Variants in PAX1 observed in about 807,000 individuals in gnomAD.
PAX1 encodes the protein paired box 1, also known as paired box protein Pax-1.
PAX1 carries 18 observed loss-of-function variants against 35.6 expected under a neutral mutation model. That is an observed-to-expected ratio of 0.50 (90% CI 0.35 to 0.75). PAX1 has a LOEUF of 0.75. PAX1 is among the 30% of genes least tolerant of loss of function. The pLI is 0.01. For synonymous variants in PAX1, 397 were observed against 305.2 expected, an observed-to-expected ratio of 1.30 and a Z score of -3.14; for missense variants, 760 against 661.5, an observed-to-expected ratio of 1.15 and a Z score of -1.63.
chr20:21,713,367 T>C (rs1360657598), intron 4 of PAX1, among the ~76,000 whole-genome samples: 4 of 143,720 alleles, frequency 2.8e-5, no homozygotes, highest in Non-Finnish European at 5.9e-5. Context: ...CGAAACCGTG[T>C]GTTTTCTTTT....
chr20:21,715,620 C>A lies in PAX1; in HGVS notation c.*1058C>A, dbSNP rs1206423197. 6.6e-6 allele frequency: 1 copy of A among 152,338 alleles called. No homozygotes were observed. Among genetic ancestry groups the A allele is most frequent in the Non-Finnish European group, 1.5e-5 (1 of 68,198 alleles). The allele number at this position is 152,338 out of a possible 1,614,324, so 9.4% of individuals were successfully genotyped here. A position where few individuals can be genotyped will look rare whatever the true frequency, so the allele number is the denominator to read the frequency against. On this transcript the variant is annotated 3_prime_UTR_variant, in exon 5 of 5. Coordinates refer to ENST00000613128, the MANE Select transcript of PAX1 (RefSeq NM_001257096.2). Reference sequence around the variant, plus strand: ...TCCTCCCACCCCTCCACTCGCAACACTTGCTAGGGAATCCGACCAGTGGTA... The same window carrying A: ...TCCTCCCACCCCTCCACTCGCAACAATTGCTAGGGAATCCGACCAGTGGTA...
At chr20:21,708,055 C>T (rs1337433952) in intron 2 of PAX1, among the ~76,000 whole-genome samples, 5 of 152,172 alleles carry the variant, frequency 3.3e-5, no homozygotes, top group Non-Finnish European at 7.3e-5. Context: ...CACAAGGGCC[C>T]GGGGAGCAGC....
intron 4 of PAX1, among the ~76,000 whole-genome samples, chr20:21,713,455 G>T (rs1412827782): frequency 6.6e-6 from 1 of 151,520 alleles, no homozygotes; most frequent in Admixed American, 6.6e-5. Context: ...GCCACAGCAA[G>T]TTGCGCCTGA....
In PAX1 at chr20:21,714,502, CA is replaced by C; in HGVS notation, c.1316del (p.Lys439ArgfsTer100). On this transcript the variant is annotated frameshift_variant, in exon 5 of 5. Transcript: ENST00000613128. LOFTEE classifies it high-confidence loss of function. ...ACAGGAAGCCTCCCAGCTCCGGCAG[CA>C]AGGCCCCGGACGCCCTCAGTAGCTT... ...ADRKPPSSGS[K>X]APDALSSLHG... The C allele has an allele frequency of 6.3e-7, 1 of 1,592,176 alleles. No homozygotes were observed. The highest frequency in any genetic ancestry group is 8.5e-7 in the Non-Finnish European group (1 of 1,171,126).
intron 4 of PAX1, 77 bp downstream of exon 4, chr20:21,709,521 G>A (rs1985134585): frequency 2.6e-6 from 3 of 1,151,686 alleles, no homozygotes; most frequent in Non-Finnish European, 1.2e-6. Flanking sequence ...GTGAGCCTGG[G>A]AAAAGGGAGA....
At position 21,715,845 on chromosome 20, in the gene PAX1, T is replaced by A. The variant is rs1408104207; in HGVS notation, c.*1283T>A. 1 of 152,544 alleles carries A rather than the reference T, an allele frequency of 6.6e-6. No individual in the cohort carries two copies. Among genetic ancestry groups the A allele is most frequent in the East Asian group, 1.9e-4 (1 of 5,194 alleles). 9.4% of individuals were successfully genotyped at this position (152,544 alleles called of 1,614,324 possible). Reference sequence around the variant, plus strand: ...AGAGCCAGCCGCAAGAGCTGTGAGCTGCTTCCAAGTTAGGCGAGCTGGTGG... The same window carrying A: ...AGAGCCAGCCGCAAGAGCTGTGAGCAGCTTCCAAGTTAGGCGAGCTGGTGG... On this transcript the variant is annotated 3_prime_UTR_variant, in exon 5 of 5. Coordinates refer to ENST00000613128, the MANE Select transcript of PAX1 (RefSeq NM_001257096.2).
rs1286562628 is a variant in PAX1 at position 21,717,960 on chromosome 20, T to G, written c.*3398T>G. 6.6e-6 allele frequency: 1 copy of G among 152,236 alleles called. No individual in the cohort carries two copies. The highest frequency in any genetic ancestry group is 1.5e-5 in the Non-Finnish European group (1 of 68,040). 9.4% of individuals were successfully genotyped at this position (152,236 alleles called of 1,614,324 possible). ...AATATGTTTCTGTCTATGTGTTATTTGAAAGTGCACACTAATGAGTTGTGC... is the reference window on the plus strand; with the variant it reads ...AATATGTTTCTGTCTATGTGTTATTGGAAAGTGCACACTAATGAGTTGTGC... On this transcript the variant is annotated 3_prime_UTR_variant, in exon 5 of 5. Coordinates refer to ENST00000613128, the MANE Select transcript of PAX1 (RefSeq NM_001257096.2).
rs1299773966 is a variant in PAX1, at chr20:21,717,258, A to AC, written c.*2701dup. The AC allele has an allele frequency of 2.0e-5, 3 of 151,990 alleles. No individual in the cohort carries two copies. The highest frequency in any genetic ancestry group is 7.3e-5 in the African/African-American group (3 of 41,322). The allele number at this position is 151,990 out of a possible 1,614,324, so 9.4% of individuals were successfully genotyped here. On this transcript the variant is annotated 3_prime_UTR_variant, in exon 5 of 5. Coordinates refer to ENST00000613128, the MANE Select transcript of PAX1 (RefSeq NM_001257096.2). ...TTTCATGTGGGGTGTGGAGGGACAT[A>AC]CCCCCTCTCTCGCGGCTGGGGGTCA...
At position 21,706,435 on chromosome 20, in the gene PAX1, C is replaced by A; in HGVS notation, c.287-3C>A. 1 of 1,611,644 alleles carries A rather than the reference C, an allele frequency of 6.2e-7. No individual in the cohort carries two copies. The highest frequency in any genetic ancestry group is 8.5e-7 in the Non-Finnish European group (1 of 1,179,692). On this transcript the variant is annotated splice_region_variant and splice_polypyrimidine_tract_variant and intron_variant, in intron 1 of 4. Coordinates refer to ENST00000613128, the MANE Select transcript of PAX1 (RefSeq NM_001257096.2). This position sits in a 1 kb window ranked among gnomAD's most constrained non-coding sequence, Gnocchi z 5.3. ...GGCTCACTCTTGTCTGGCGCATCCG[C>A]AGAGCAGACGTATGGCGAGGTGAAC... is the stretch of plus-strand genomic sequence containing the variant.
Position 21,706,358 on chromosome 20 carries a change from TCG to T in PAX1, c.287-78_287-77del, listed in dbSNP as rs1249406429. Reference sequence around the variant, plus strand: ...TGGAAGTGCGCCTGGGTGCAGTCCCTCGCTCCGCGTGGGGACCCTTGGCTAAC... The same window carrying T: ...TGGAAGTGCGCCTGGGTGCAGTCCCTCTCCGCGTGGGGACCCTTGGCTAAC... On this transcript the variant is annotated intron_variant, in intron 1 of 4. Transcript: ENST00000613128. The surrounding 1 kb of genome is among the most constrained non-coding windows in gnomAD (Gnocchi z 5.3). The T allele has an allele frequency of 6.4e-7, 1 of 1,565,244 alleles. No homozygotes were observed. The highest frequency in any genetic ancestry group is 8.7e-7 in the Non-Finnish European group (1 of 1,147,132).
Position 21,706,443 on chromosome 20 carries a change from A to C in PAX1, c.292A>C (p.Thr98Pro). 6.2e-7 allele frequency: 1 copy of C among 1,610,982 alleles called. No individual in the cohort carries two copies. The highest frequency in any genetic ancestry group is 8.5e-7 in the Non-Finnish European group (1 of 1,178,946). Residue 98 changes from threonine to proline, a missense_variant, in exon 2 of 5, where the codon ACG becomes CCG. Thr to Pro is a conservative substitution (Grantham distance 38, BLOSUM62 -1). Coordinates refer to ENST00000613128, the MANE Select transcript of PAX1 (RefSeq NM_001257096.2). This position sits in a 1 kb window ranked among gnomAD's most constrained non-coding sequence, Gnocchi z 5.3. ...CTTGTCTGGCGCATCCGCAGAGCAG[A>C]CGTATGGCGAGGTGAACCAGCTGGG... is the stretch of plus-strand genomic sequence containing the variant. The part of the protein sequence containing the change: ...QLAGPLAMEQ[T>P]YGEVNQLGGV...
At position 21,705,956 on chromosome 20, in the gene PAX1, G is replaced by A; in HGVS notation, c.244G>A (p.Gly82Ser). ...CGCCGGGCCCAGCCCCGGCCACCCC[G>A]GCCACCCCGGCGCCAGGCAGCTGGC... ...DCAGPSPGHP[G>S]HPGARQLAGP... is the part of the protein sequence containing the mutation. The change falls in exon 1 of 5, where the codon GGC (glycine) becomes AGC (serine). Residue 82 changes from glycine to serine, a missense_variant. This residue lies in a region of PAX1 where 222 missense variants were observed against 153.0 expected (regional missense o/e 1.45). Transcript: ENST00000613128. The A allele has an allele frequency of 1.3e-6, 2 of 1,486,252 alleles. No homozygotes were observed. Among genetic ancestry groups the A allele is most frequent in the Non-Finnish European group, 1.8e-6 (2 of 1,127,068 alleles). 92.1% of individuals were successfully genotyped at this position (1,486,252 alleles called of 1,614,324 possible).
intron 2 of PAX1, among the ~76,000 whole-genome samples, chr20:21,707,818 G>A (rs1365051159): frequency 6.6e-6 from 1 of 152,216 alleles, no homozygotes; most frequent in Admixed American, 6.5e-5. Flanking sequence ...AGGAGGGCAA[G>A]AAGCAAAATT....
At position 21,714,690 on chromosome 20, in the gene PAX1, G is replaced by C. The variant is rs773279349; in HGVS notation, c.*128G>C. 33 of 1,605,626 alleles carry C rather than the reference G, an allele frequency of 2.1e-5. No homozygotes were observed. The highest frequency in any genetic ancestry group is 2.4e-5 in the Non-Finnish European group (28 of 1,179,236). On this transcript the variant is annotated 3_prime_UTR_variant, in exon 5 of 5. Coordinates refer to ENST00000613128, the MANE Select transcript of PAX1 (RefSeq NM_001257096.2). Reference sequence around the variant, plus strand: ...ACTCGCGGAGGAGGAAGCCAGTGCCGGCCCGCGGGGTGCACGCCCAGCCAG... The same window carrying C: ...ACTCGCGGAGGAGGAAGCCAGTGCCCGCCCGCGGGGTGCACGCCCAGCCAG...
Position 21,718,289 on chromosome 20 carries a change from G to A in PAX1, c.*3727G>A, listed in dbSNP as rs1209191330. On this transcript the variant is annotated 3_prime_UTR_variant, in exon 5 of 5. Coordinates refer to ENST00000613128, the MANE Select transcript of PAX1 (RefSeq NM_001257096.2). The stretch of plus-strand genomic sequence containing the variant: ...AGGATTGAGGGGCAAGAGGCATGAA[G>A]TTTTGCCCTTCTTGAATATGCCCCG... 2 of 152,200 alleles carry A rather than the reference G, an allele frequency of 1.3e-5. No individual in the cohort carries two copies. Among genetic ancestry groups the A allele is most frequent in the East Asian group, 3.8e-4 (2 of 5,198 alleles). 9.4% of individuals were successfully genotyped at this position (152,200 alleles called of 1,614,324 possible). A position where few individuals can be genotyped will look rare whatever the true frequency, so the allele number is the denominator to read the frequency against.
rs868107174 is a variant in PAX1 at position 21,718,107 on chromosome 20, A to G, written c.*3545A>G. On this transcript the variant is annotated 3_prime_UTR_variant, in exon 5 of 5. Coordinates refer to ENST00000613128, the MANE Select transcript of PAX1 (RefSeq NM_001257096.2). Reference sequence around the variant, plus strand: ...ACCGAGGATTTATTAAAAACAGGGTATTTGTAAAGAGGGCCAGCTTCGTGC... The same window carrying G: ...ACCGAGGATTTATTAAAAACAGGGTGTTTGTAAAGAGGGCCAGCTTCGTGC... 1.3e-5 allele frequency: 2 copies of G among 152,340 alleles called. No individual in the cohort carries two copies. The highest frequency in any genetic ancestry group is 4.8e-5 in the African/African-American group (2 of 41,574). The allele number at this position is 152,340 out of a possible 1,614,324, so 9.4% of individuals were successfully genotyped here.
At chr20:21,709,901 C>T (rs1382224006) in intron 4 of PAX1, among the ~76,000 whole-genome samples, 2 of 152,130 alleles carry the variant, frequency 1.3e-5, no homozygotes, top group African/African-American at 2.4e-5. Flanking sequence ...GGCACCTAAC[C>T]TCCATCCCCA....
chr20:21,706,379 G>A lies in PAX1; in HGVS notation c.287-59G>A. 1 of 1,602,718 alleles carries A rather than the reference G, an allele frequency of 6.2e-7. No individual in the cohort carries two copies. Among genetic ancestry groups the A allele is most frequent in the Non-Finnish European group, 8.5e-7 (1 of 1,177,846 alleles). Reference sequence around the variant, plus strand: ...TCCCTCGCTCCGCGTGGGGACCCTTGGCTAACCCGCCGGGTGTTTTCTCCC... The same window carrying A: ...TCCCTCGCTCCGCGTGGGGACCCTTAGCTAACCCGCCGGGTGTTTTCTCCC... On this transcript the variant is annotated intron_variant, in intron 1 of 4. Coordinates refer to ENST00000613128, the MANE Select transcript of PAX1 (RefSeq NM_001257096.2). This position sits in a 1 kb window ranked among gnomAD's most constrained non-coding sequence, Gnocchi z 5.3.
At chr20:21,712,407 T>G (rs1241196230) in intron 4 of PAX1, among the ~76,000 whole-genome samples, 1 of 152,200 alleles carries the variant, frequency 6.6e-6, no homozygotes, top group Non-Finnish European at 1.5e-5. Context: ...AATCTTCACT[T>G]GGAGAGGCTG....
Sources: allele counts gnomAD v4.1 joint callset (sites outside exome capture counted in the v4.1 genomes callset), GRCh38; gene constraint gnomAD v4.1.1; regional missense constraint gnomAD v4.1.1; non-coding constraint Gnocchi (gnomAD v3.1); transcripts MANE v1.5; gene names NCBI Gene and HGNC (gene_info 2026-07-23, HGNC 2026-07-21).